The following GRM7 variants were observed in gnomAD, a reference collection of about 807,000 sequenced individuals.
GRM7 encodes glutamate metabotropic receptor 7, also known as metabotropic glutamate receptor 7.
Under a neutral mutation model 84.5 loss-of-function variants are expected in GRM7, and 35 were observed. The observed-to-expected ratio is 0.41, with a 90% CI of 0.32 to 0.55. The LOEUF (loss-of-function observed/expected upper bound fraction) is 0.55, where lower values mean the gene tolerates loss of function less well. GRM7 is among the 20% of genes least tolerant of loss of function. The pLI, the probability that GRM7 is intolerant of heterozygous loss-of-function variation, is 0.19. For synonymous variants in GRM7, 487 were observed against 455.1 expected, an observed-to-expected ratio of 1.07 and a Z score of -0.89; for missense variants, 1,003 against 1,194.6, an observed-to-expected ratio of 0.84 and a Z score of 2.36.
At chr3:7,233,269 T>A (rs1458673953) in intron 2 of GRM7, among the ~76,000 whole-genome samples, 1 of 152,156 alleles carries the variant, frequency 6.6e-6, no homozygotes, top group Non-Finnish European at 1.5e-5. Context: ...CTTTCCAAGA[T>A]AAGATTTGTC....
chr3:7,526,932 TTATAG>T (rs2124999100), intron 7 of GRM7, among the ~76,000 whole-genome samples: 1 of 152,224 alleles, frequency 6.6e-6, no homozygotes, highest in South Asian at 2.1e-4. Flanking sequence ...TACTGTAGCC[TTATAG>T]TATAGTTTGA....
rs545487654 is a variant in GRM7 at position 7,296,447 on chromosome 3, G to A, written c.737-2237G>A. On this transcript the variant is annotated intron_variant, in intron 2 of 9. Coordinates refer to ENST00000357716, the MANE Select transcript of GRM7 (RefSeq NM_000844.4). ...TCTCCCATTTTCTGGAAGAGATTGTGTAGATCATGTTTTATGTATTCATTC... is the reference window on the plus strand; with the variant it reads ...TCTCCCATTTTCTGGAAGAGATTGTATAGATCATGTTTTATGTATTCATTC... Among the ~76,000 whole-genome samples the A allele has an allele frequency of 2.6e-5, 4 of 152,064 alleles. No homozygotes were observed. In the South Asian group the frequency reaches 8.3e-4, roughly 32 times the overall value.
chr3:6,951,027 G>T (rs1692733747), intron 1 of GRM7, among the ~76,000 whole-genome samples: 1 of 152,168 alleles, frequency 6.6e-6, no homozygotes, highest in Non-Finnish European at 1.5e-5. Flanking sequence ...GCCTCTCCCT[G>T]CTTCGGCTCA....
chr3:7,383,988 A>C (rs1694689283), intron 4 of GRM7, among the ~76,000 whole-genome samples: 1 of 152,168 alleles, frequency 6.6e-6, no homozygotes, highest in African/African-American at 2.4e-5. Context: ...GGTAAAATGA[A>C]ATTTTAATGA....
At chr3:7,155,539 C>T (rs1694422040) in intron 2 of GRM7, among the ~76,000 whole-genome samples, 1 of 152,084 alleles carries the variant, frequency 6.6e-6, no homozygotes, top group Non-Finnish European at 1.5e-5. Flanking sequence ...ATCCAAGAAA[C>T]ATTAAATTAA....
At chr3:7,701,190 G>A (rs898293407) in intron 9 of GRM7, among the ~76,000 whole-genome samples, 1 of 152,140 alleles carries the variant, frequency 6.6e-6, no homozygotes, top group South Asian at 2.1e-4. Flanking sequence ...TTGTTGGCAG[G>A]CTGCCCAGTC....
chr3:6,953,136 C>CT (rs1692861071), intron 1 of GRM7, among the ~76,000 whole-genome samples: 1 of 152,154 alleles, frequency 6.6e-6, no homozygotes, highest in South Asian at 2.1e-4. Flanking sequence ...GTGCTGCAGA[C>CT]TTTTTTTGAT....
chr3:7,331,375 A>G (rs115169372), intron 4 of GRM7, among the ~76,000 whole-genome samples: 5,997 of 151,844 alleles, frequency 0.039, 246 homozygotes, highest in African/African-American at 0.11. Flanking sequence ...AATTTCCTTG[A>G]AGAGCAGAAT....
intron 7 of GRM7, among the ~76,000 whole-genome samples, chr3:7,546,264 C>T (rs1172112704): frequency 6.6e-6 from 1 of 152,190 alleles, no homozygotes; most frequent in Non-Finnish European, 1.5e-5. Context: ...GCATTCTATG[C>T]CTAACATTTT....
intron 8 of GRM7, among the ~76,000 whole-genome samples, chr3:7,606,531 TTTTC>T (rs1696581032): frequency 6.6e-6 from 1 of 152,084 alleles, no homozygotes; most frequent in Admixed American, 6.5e-5. Flanking sequence ...ACTTTGCTTG[TTTTC>T]TTTTTCTTTT....
chr3:7,330,304 C>G (rs1454203190), intron 4 of GRM7, among the ~76,000 whole-genome samples: 2 of 152,106 alleles, frequency 1.3e-5, no homozygotes, highest in African/African-American at 4.8e-5. Flanking sequence ...TCACAAAACC[C>G]TCCAGTGACT....
chr3:6,993,130 G>T (rs1575108512), intron 1 of GRM7, among the ~76,000 whole-genome samples: 2 of 152,186 alleles, frequency 1.3e-5, no homozygotes, highest in African/African-American at 4.8e-5. Flanking sequence ...AAGAAAACAA[G>T]AATGAGAACT....
intron 2 of GRM7, among the ~76,000 whole-genome samples, chr3:7,162,834 G>A (rs947471545): frequency 1.5e-5 from 2 of 130,708 alleles, no homozygotes; most frequent in East Asian, 2.4e-4. Context: ...ATCTCAGTTC[G>A]CTGCAACCTC....
At chr3:7,351,438 A>G (rs1168290403) in intron 4 of GRM7, among the ~76,000 whole-genome samples, 1 of 151,602 alleles carries the variant, frequency 6.6e-6, no homozygotes, top group Non-Finnish European at 1.5e-5. Flanking sequence ...GCAGCCCTAT[A>G]AAAGCTGTAA....
intron 6 of GRM7, among the ~76,000 whole-genome samples, chr3:7,454,090 A>ACACTCTCTCACACTCTCTCT (rs1365192243): frequency 7.1e-6 from 1 of 140,122 alleles, no homozygotes; most frequent in African/African-American, 2.8e-5. Context: ...CTACACACAC[A>ACACTCTCTCACACTCTCTCT]CTCTCTCTCT....
chr3:7,549,654 G>C (rs985317377), intron 7 of GRM7, among the ~76,000 whole-genome samples: 9 of 152,188 alleles, frequency 5.9e-5, no homozygotes, highest in African/African-American at 2.2e-4. Flanking sequence ...AAATAGGCAA[G>C]ATGCTGAAAA....
chr3:7,284,296 GTGTGTGTGTGTGTGTGTATA>G (rs1341189270), intron 2 of GRM7, among the ~76,000 whole-genome samples: 1 of 126,030 alleles, frequency 7.9e-6, no homozygotes, highest in East Asian at 2.7e-4. Context: ...GTGTGTGTGT[GTGTGTGTGTGTGTGTGTATA>G]TACATGAGCT....
intron 4 of GRM7, among the ~76,000 whole-genome samples, chr3:7,365,784 G>T (rs182435049): frequency 4.7e-5 from 7 of 149,860 alleles, no homozygotes; most frequent in African/African-American, 2.4e-5. Context: ...ATATTTTATA[G>T]CTTCTTTCAC....
intron 2 of GRM7, among the ~76,000 whole-genome samples, chr3:7,157,205 T>A (rs879932257): frequency 6.6e-6 from 1 of 152,108 alleles, no homozygotes; most frequent in Non-Finnish European, 1.5e-5. Flanking sequence ...TTGTCTGCAG[T>A]TGATCATGTG....
Sources: gnomAD v4.1 joint callset for allele counts (sites outside exome capture counted in the v4.1 genomes callset) on GRCh38, gnomAD v4.1.1 for gene constraint, MANE v1.5 for transcripts, NCBI Gene and HGNC (gene_info 2026-07-23, HGNC 2026-07-21) for gene names.